Variants in LMO7 observed in about 807,000 individuals in gnomAD.
The protein encoded by LMO7 is LIM domain 7.
A neutral mutation model predicts 206.5 loss-of-function variants in LMO7; 120 were observed. The observed-to-expected ratio is 0.58, with a 90% CI of 0.50 to 0.68. LMO7 has a LOEUF of 0.68. Ranked by LOEUF, LMO7 falls within the 30% of genes least tolerant of loss-of-function variation. The pLI is 0.00. For missense variants in LMO7, 1,959 were observed against 1,957.9 expected (o/e 1.00, Z -0.01); for synonymous variants, 706 against 681.5 (o/e 1.04, Z -0.56).
intron 2 of LMO7, among the ~76,000 whole-genome samples, chr13:75,625,550 T>G (rs1342146187): frequency 1.3e-5 from 2 of 152,204 alleles, no homozygotes; most frequent in African/African-American, 4.8e-5. Context: ...AATGAAGCTG[T>G]AGATAGATGT....
intron 3 of LMO7, among the ~76,000 whole-genome samples, chr13:75,734,890 G>A (rs1162981491): frequency 6.6e-6 from 1 of 152,126 alleles, no homozygotes; most frequent in Non-Finnish European, 1.5e-5. Context: ...ACAAGGTCAG[G>A]AGATGACGAC....
intron 3 of LMO7, among the ~76,000 whole-genome samples, chr13:75,745,515 A>G (rs2046767701): frequency 6.6e-6 from 1 of 152,168 alleles, no homozygotes; most frequent in South Asian, 2.1e-4. Flanking sequence ...CAGTTGAACA[A>G]TTTCAGTGGT....
chr13:75,659,680 T>C (rs2038391430), intron 1 of LMO7, among the ~76,000 whole-genome samples: 1 of 152,188 alleles, frequency 6.6e-6, no homozygotes, highest in Non-Finnish European at 1.5e-5. Flanking sequence ...TTCTGGGAGA[T>C]AACAATTCAA....
intron 30 of LMO7, 155 bp from the exon 31 acceptor site, chr13:75,857,766 G>C: frequency 2.3e-6 from 1 of 436,572 alleles, no homozygotes; most frequent in Non-Finnish European, 4.1e-6. Context: ...ACGAGACACT[G>C]AGACTTGCCT....
At chr13:75,755,669 T>C (rs2047635154) in intron 3 of LMO7, among the ~76,000 whole-genome samples, 1 of 152,256 alleles carries the variant, frequency 6.6e-6, no homozygotes, top group Non-Finnish European at 1.5e-5. Context: ...TCAACATTTC[T>C]AAACGTTTAT....
In LMO7 at chr13:75,823,674, G is replaced by T. The variant is rs779698772; in HGVS notation, c.2750G>T (p.Ser917Ile). ...CCGGACGCAAGCCAACTGGCTTCAA[G>T]CTTATCTAGCCAGAAAGAGGTAGCA... ...PSPDASQLAS[S>I]LSSQKEVAAT... The change falls in exon 15 of 31, where the codon AGC becomes ATC. Residue 917 changes from serine (S) to isoleucine (I), a missense_variant. Coordinates refer to ENST00000377534, the MANE Select transcript of LMO7 (RefSeq NM_001306080.2). 1.9e-6 allele frequency: 3 copies of T among 1,614,188 alleles called. No individual in the cohort carries two copies. Among genetic ancestry groups the T allele is most frequent in the Admixed American group, 3.3e-5 (2 of 60,022 alleles).
intron 1 of LMO7, among the ~76,000 whole-genome samples, chr13:75,647,951 C>CTGTTTT: frequency 1.1e-5 from 1 of 91,148 alleles, no homozygotes; most frequent in Non-Finnish European, 2.0e-5. Context: ...TCTTTTCTTT[C>CTGTTTT]TTTTTTTTTT....
Position 75,821,560 on chromosome 13 carries a change from C to A in LMO7, c.2591C>A (p.Pro864His). 1 of 1,613,924 alleles carries A rather than the reference C, an allele frequency of 6.2e-7. No homozygotes were observed. The highest frequency in any genetic ancestry group is 2.2e-5 in the East Asian group (1 of 44,860). The change falls in exon 14 of 31, where the codon CCC (proline) becomes CAC (histidine). Residue 864 changes from proline (P) to histidine (H), a missense_variant. By Grantham distance (77) the Pro-to-His change is moderately conservative. Transcript: ENST00000377534. ...TTAACATCTGTGGTCACACCAAGAC[C>A]CTTTGGCTCTCAGACAAGGGGAATC... Reference protein sequence around the residue: ...VRLTSVVTPRPFGSQTRGISS... With the variant: ...VRLTSVVTPRHFGSQTRGISS...
chr13:75,753,346 C>A (rs528532642), intron 3 of LMO7, among the ~76,000 whole-genome samples: 2 of 152,288 alleles, frequency 1.3e-5, no homozygotes, highest in East Asian at 3.9e-4. Flanking sequence ...AATATTTTCT[C>A]CCATTCCACA....
intron 26 of LMO7, among the ~76,000 whole-genome samples, chr13:75,847,423 G>A (rs891750916): frequency 6.6e-6 from 1 of 152,202 alleles, no homozygotes; most frequent in African/African-American, 2.4e-5. Flanking sequence ...AGCAAGTCTA[G>A]TAACATTTAT....
intron 1 of LMO7, among the ~76,000 whole-genome samples, chr13:75,660,106 C>T (rs1227224745): frequency 3.3e-5 from 5 of 152,256 alleles, no homozygotes; most frequent in African/African-American, 7.2e-5. Flanking sequence ...TAAAACAACT[C>T]GGAGTATTCA....
At chr13:75,634,498 T>A (rs2035480729), upstream of LMO7, among the ~76,000 whole-genome samples, 1 of 151,936 alleles carries the variant, frequency 6.6e-6, no homozygotes, top group Non-Finnish European at 1.5e-5. Flanking sequence ...CAAAGCACTT[T>A]GGGAGGACGA....
chr13:75,834,855 G>T (rs2058989775), intron 17 of LMO7, among the ~76,000 whole-genome samples: 1 of 152,138 alleles, frequency 6.6e-6, no homozygotes, highest in African/African-American at 2.4e-5. Context: ...ATGGGAAAAG[G>T]CATTAAGCCT....
At chr13:75,709,340 A>T (rs1216155615) in intron 1 of LMO7, among the ~76,000 whole-genome samples, 1 of 152,164 alleles carries the variant, frequency 6.6e-6, no homozygotes, top group Admixed American at 6.5e-5. Flanking sequence ...GTCAAATGGT[A>T]TTTCTACTTC....
chr13:75,805,973 G>A (rs1032864453), intron 9 of LMO7: 1 of 1,110,480 alleles, frequency 9.0e-7, no homozygotes, highest in Non-Finnish European at 1.2e-6. Flanking sequence ...CATAGTCATA[G>A]CACGGCATTA....
chr13:75,639,165 A>G (rs1212348151), intron 1 of LMO7, among the ~76,000 whole-genome samples: 1 of 152,112 alleles, frequency 6.6e-6, no homozygotes, highest in Admixed American at 6.5e-5. Context: ...TGTGATTTTT[A>G]GTAGCTAATG....
At chr13:75,802,459 C>G (rs147141195) in intron 7 of LMO7, among the ~76,000 whole-genome samples, 1 of 152,284 alleles carries the variant, frequency 6.6e-6, no homozygotes, top group East Asian at 1.9e-4. Flanking sequence ...GAACCTACTC[C>G]ATGTAATGAC....
intron 2 of LMO7, among the ~76,000 whole-genome samples, chr13:75,725,384 A>G (rs1235721059): frequency 6.6e-6 from 1 of 152,084 alleles, no homozygotes; most frequent in Non-Finnish European, 1.5e-5. Context: ...ACGTTACTAT[A>G]AGTCAGTGCT....
At chr13:75,802,202 G>C (rs1413711280) in intron 7 of LMO7, among the ~76,000 whole-genome samples, 1 of 152,114 alleles carries the variant, frequency 6.6e-6, no homozygotes, top group Admixed American at 6.6e-5. Flanking sequence ...AAACCTGAAG[G>C]CTTTATCTTT....
Sources: gnomAD v4.1 joint callset for allele counts (sites outside exome capture counted in the v4.1 genomes callset) on GRCh38, gnomAD v4.1.1 for gene constraint, MANE v1.5 for transcripts, NCBI Gene and HGNC (gene_info 2026-07-23, HGNC 2026-07-21) for gene names.